The following TAS2R1 variants were observed in gnomAD, a reference collection of about 807,000 sequenced individuals.
TAS2R1 encodes the protein taste 2 receptor member 1.
For synonymous variants in TAS2R1, 141 were observed against 134.2 expected, an observed-to-expected ratio of 1.05 and a Z score of -0.35; for missense variants, 370 against 353.4, an observed-to-expected ratio of 1.05 and a Z score of -0.38.
At chr5:9,818,717 G>A in the TAS2R1 span, among the ~76,000 whole-genome samples, 1 of 152,212 alleles carries the variant, frequency 6.6e-6, no homozygotes, top group Non-Finnish European at 1.5e-5. Flanking sequence ...CACATCCTCA[G>A]GGTGAGACTC....
At chr5:9,852,326 G>GTT in the TAS2R1 span, among the ~76,000 whole-genome samples, 21 of 151,540 alleles carry the variant, frequency 1.4e-4, no homozygotes, top group African/African-American at 5.1e-4. Flanking sequence ...CTTAACTGTA[G>GTT]ATCACAAGAG....
At chr5:9,702,582 G>C (rs576965071) in intron 1 of TAS2R1, among the ~76,000 whole-genome samples, 1 of 152,312 alleles carries the variant, frequency 6.6e-6, no homozygotes, top group Admixed American at 6.5e-5. Flanking sequence ...GGCCTAAATT[G>C]TCAAGCAGAA....
At chr5:9,900,130 A>G in the TAS2R1 span, among the ~76,000 whole-genome samples, 1 of 152,216 alleles carries the variant, frequency 6.6e-6, no homozygotes, top group African/African-American at 2.4e-5. Flanking sequence ...GGGTACAGAT[A>G]TGTTCTCTCT....
At chr5:9,894,405 A>AAAAACAAAAAC in the TAS2R1 span, among the ~76,000 whole-genome samples, 14,266 of 151,032 alleles carry the variant, frequency 0.094, 683 homozygotes, top group African/African-American at 0.099. Flanking sequence ...AAACAAAAAC[A>AAAAACAAAAAC]AAAAAAAACA....
chr5:9,780,477 T>C, the TAS2R1 span, among the ~76,000 whole-genome samples: 1 of 152,216 alleles, frequency 6.6e-6, no homozygotes, highest in Non-Finnish European at 1.5e-5. Context: ...CATTGCTAAT[T>C]CTATAAGTGT....
the TAS2R1 span, among the ~76,000 whole-genome samples, chr5:9,893,624 A>C: frequency 6.6e-6 from 1 of 152,188 alleles, no homozygotes; most frequent in Non-Finnish European, 1.5e-5. Context: ...CCAACAGCAA[A>C]AGTGTATTAC....
chr5:9,841,869 A>C, the TAS2R1 span, among the ~76,000 whole-genome samples: 1 of 152,208 alleles, frequency 6.6e-6, no homozygotes, highest in East Asian at 1.9e-4. Flanking sequence ...AACCCACTGC[A>C]TGTGTAGCAT....
chr5:9,779,242 C>T, the TAS2R1 span, among the ~76,000 whole-genome samples: 1 of 152,236 alleles, frequency 6.6e-6, no homozygotes, highest in Non-Finnish European at 1.5e-5. Flanking sequence ...GACATGCCTG[C>T]TCCTGCTTAG....
chr5:9,655,037 G>C (rs1740381374), intron 2 of TAS2R1, among the ~76,000 whole-genome samples: 1 of 152,122 alleles, frequency 6.6e-6, no homozygotes, highest in Admixed American at 6.5e-5. Context: ...TAGGAAGAAG[G>C]CCAGACACAA....
chr5:9,724,216 G>A, the TAS2R1 span, among the ~76,000 whole-genome samples: 1 of 152,074 alleles, frequency 6.6e-6, no homozygotes, highest in African/African-American at 2.4e-5. Context: ...CCATATTTGT[G>A]GCCCACCTTC....
At chr5:9,863,268 T>A in the TAS2R1 span, among the ~76,000 whole-genome samples, 1 of 147,656 alleles carries the variant, frequency 6.8e-6, no homozygotes, top group East Asian at 2.0e-4. Flanking sequence ...CCAAAGATTT[T>A]TTTTTTTTTT....
At chr5:9,725,613 G>C in the TAS2R1 span, among the ~76,000 whole-genome samples, 11 of 151,836 alleles carry the variant, frequency 7.2e-5, no homozygotes, top group Non-Finnish European at 8.8e-5. Context: ...TCCCCCATCC[G>C]CCCCCGTGGG....
chr5:9,726,330 A>G, the TAS2R1 span, among the ~76,000 whole-genome samples: 2 of 152,178 alleles, frequency 1.3e-5, no homozygotes, highest in Non-Finnish European at 2.9e-5. Flanking sequence ...CAGGGATTGT[A>G]AATGCACCAA....
the TAS2R1 span, among the ~76,000 whole-genome samples, chr5:9,828,518 T>C: frequency 2.0e-5 from 3 of 152,208 alleles, no homozygotes; most frequent in Non-Finnish European, 4.4e-5. Flanking sequence ...GTATATGGTG[T>C]GACATGAGGC....
chr5:9,849,430 T>C, the TAS2R1 span, among the ~76,000 whole-genome samples: 14 of 152,328 alleles, frequency 9.2e-5, no homozygotes, highest in Non-Finnish European at 1.6e-4. Flanking sequence ...TAGGCGCTAT[T>C]ATTAAGTCAA....
In TAS2R1 at chr5:9,676,741, A is replaced by G. The variant is rs78308850; in HGVS notation, c.-241-17160T>C. Among the ~76,000 whole-genome samples the G allele has an allele frequency of 1.7e-3, 253 of 152,314 alleles. 3 individuals are homozygous for G. Among genetic ancestry groups the G allele is most frequent in the African/African-American group, 5.7e-3 (238 of 41,574 alleles). ...AATACCAAAATGTAATCCATAAGAG[A>G]AAAATTTGATAAATTAGACTTTATT... On this transcript the variant is annotated intron_variant, in intron 1 of 2. Coordinates refer to the TAS2R1 transcript ENST00000506620.
intron 1 of TAS2R1, among the ~76,000 whole-genome samples, chr5:9,705,611 C>A (rs886139511): frequency 6.6e-6 from 1 of 152,106 alleles, no homozygotes; most frequent in Admixed American, 6.6e-5. Flanking sequence ...GTAATCGCAG[C>A]ACTTTGGAAG....
chr5:9,803,409 A>G, the TAS2R1 span, among the ~76,000 whole-genome samples: 1 of 152,200 alleles, frequency 6.6e-6, no homozygotes, highest in East Asian at 1.9e-4. Flanking sequence ...GAAATTCATC[A>G]CAAGAAGTTC....
intron 2 of TAS2R1, among the ~76,000 whole-genome samples, chr5:9,649,636 A>C (rs1740263420): frequency 6.6e-6 from 1 of 152,194 alleles, no homozygotes; most frequent in African/African-American, 2.4e-5. Context: ...TGAAACACAA[A>C]TATGCCCATG....
Sources: allele counts gnomAD v4.1 joint callset (sites outside exome capture counted in the v4.1 genomes callset), GRCh38; gene constraint gnomAD v4.1.1; transcripts MANE v1.5; gene names NCBI Gene and HGNC (gene_info 2026-07-23, HGNC 2026-07-21).